The following MMP26 variants were observed in gnomAD, a reference collection of about 807,000 sequenced individuals.
The protein encoded by MMP26 is matrix metallopeptidase 26, also known as matrix metalloproteinase-26.
A neutral mutation model predicts 31.0 loss-of-function variants in MMP26; 33 were observed. The ratio of observed to expected loss-of-function variants is 1.06; its 90% confidence interval spans 0.81 to 1.42. MMP26 has a LOEUF of 1.42. MMP26 is among the 40% of genes most tolerant of loss of function. MMP26 has a pLI of 0.00. For missense variants in MMP26, 347 were observed against 316.1 expected, an observed-to-expected ratio of 1.10 and a Z score of -0.74; for synonymous variants, 122 against 114.9, an observed-to-expected ratio of 1.06 and a Z score of -0.40.
Position 4,714,208 on chromosome 11 carries a change from A to G in MMP26, c.-217+9163A>G, listed in dbSNP as rs566701448. On this transcript the variant is annotated intron_variant, in intron 1 of 7. Coordinates refer to ENST00000380390, the MANE Select transcript of MMP26 (RefSeq NM_021801.5). ...TTCTTTTAAGAATGAGGGGGACTTTATTAGCTGCAGAAAGCTCTTGTGGGT... is the reference window on the plus strand; with the variant it reads ...TTCTTTTAAGAATGAGGGGGACTTTGTTAGCTGCAGAAAGCTCTTGTGGGT... 1.3e-3 allele frequency among the ~76,000 whole-genome samples: 195 copies of G among 152,284 alleles called. 1 individual carries two copies. Among genetic ancestry groups the G allele is most frequent in the Non-Finnish European group, 1.6e-3 (107 of 68,008 alleles).
chr11:4,882,339 G>A (rs141084019), intron 2 of MMP26: 21 of 1,613,498 alleles, frequency 1.3e-5, no homozygotes, highest in South Asian at 2.2e-5. Flanking sequence ...CTGGTGATAG[G>A]GCTGGTCATC....
chr11:4,886,351 C>T (rs968962650), intron 2 of MMP26, among the ~76,000 whole-genome samples: 3 of 151,998 alleles, frequency 2.0e-5, no homozygotes, highest in Admixed American at 1.3e-4. Context: ...AGTCATTAAA[C>T]TTCGTAAGTC....
intron 2 of MMP26, chr11:4,908,944 C>A (rs747751604): frequency 6.5e-6 from 1 of 154,488 alleles, no homozygotes; most frequent in East Asian, 1.9e-4. Flanking sequence ...GCACAATAAT[C>A]CTGCTGTGAA....
chr11:4,923,631 G>T (rs772022314), intron 2 of MMP26: 2 of 1,614,078 alleles, frequency 1.2e-6, no homozygotes, highest in Non-Finnish European at 1.7e-6. Context: ...AGGGCTCGGA[G>T]TCGCTCCTGG....
chr11:4,820,556 C>T (rs1849481096), intron 2 of MMP26, among the ~76,000 whole-genome samples: 1 of 151,708 alleles, frequency 6.6e-6, no homozygotes, highest in African/African-American at 2.4e-5. Context: ...ATTCCTCCTC[C>T]TCCTCTTGCA....
chr11:4,904,425 CA>C (rs1850851987), intron 2 of MMP26, among the ~76,000 whole-genome samples: 1 of 152,140 alleles, frequency 6.6e-6, no homozygotes, highest in Admixed American at 6.5e-5. Context: ...CTTCTTTTGG[CA>C]TCTACTATAT....
rs576958842 is a variant in MMP26 at position 4,979,206 on chromosome 11, G to A, written c.-144-8862G>A. Among the ~76,000 whole-genome samples the A allele has an allele frequency of 4.6e-5, 7 of 152,232 alleles. 1 individual carries two copies. The highest frequency in any genetic ancestry group is 1.7e-4 in the African/African-American group (7 of 41,568). Reference sequence around the variant, plus strand: ...GCATCCACACAGGAAATCAAAGATGGATAACCATGAAGCTGAGAGCAGTTG... The same window carrying A: ...GCATCCACACAGGAAATCAAAGATGAATAACCATGAAGCTGAGAGCAGTTG... On this transcript the variant is annotated intron_variant, in intron 2 of 7. Coordinates refer to ENST00000380390, the MANE Select transcript of MMP26 (RefSeq NM_021801.5).
chr11:4,758,038 A>T (rs1464663335), intron 1 of MMP26, among the ~76,000 whole-genome samples: 1 of 152,188 alleles, frequency 6.6e-6, no homozygotes, highest in Non-Finnish European at 1.5e-5. Context: ...ATATGTACAC[A>T]CAATACATGT....
At chr11:4,788,143 A>T (rs1848973739) in intron 2 of MMP26, among the ~76,000 whole-genome samples, 1 of 152,164 alleles carries the variant, frequency 6.6e-6, no homozygotes, top group Non-Finnish European at 1.5e-5. Flanking sequence ...CACACAGCAC[A>T]TTGGAAAATT....
At chr11:4,891,503 T>C (rs1850622796) in intron 2 of MMP26, among the ~76,000 whole-genome samples, 1 of 152,156 alleles carries the variant, frequency 6.6e-6, no homozygotes, top group South Asian at 2.1e-4. Context: ...TATTTAAACA[T>C]GAGATTTGGT....
chr11:4,978,774 A>C (rs1846773513), intron 2 of MMP26, among the ~76,000 whole-genome samples: 1 of 152,272 alleles, frequency 6.6e-6, no homozygotes. Flanking sequence ...TTCAGAAAGA[A>C]CAAAAGGATT....
chr11:4,975,797 G>A (rs1359973773), intron 2 of MMP26, among the ~76,000 whole-genome samples: 1 of 151,902 alleles, frequency 6.6e-6, no homozygotes, highest in Non-Finnish European at 1.5e-5. Flanking sequence ...GTTCTCTAGC[G>A]AACATTCTCC....
At chr11:4,842,004 C>T (rs35692639) in intron 2 of MMP26, among the ~76,000 whole-genome samples, 2 of 152,028 alleles carry the variant, frequency 1.3e-5, no homozygotes, top group African/African-American at 4.8e-5. Context: ...GGTAGTAATA[C>T]AAAAGTCATT....
At chr11:4,713,646 T>G (rs1847889940) in intron 1 of MMP26, among the ~76,000 whole-genome samples, 1 of 152,218 alleles carries the variant, frequency 6.6e-6, no homozygotes, top group African/African-American at 2.4e-5. Context: ...AAATGTTCCA[T>G]GAAAGAATAA....
chr11:4,871,746 T>G (rs1313765795), intron 2 of MMP26: 4 of 151,980 alleles, frequency 2.6e-5, no homozygotes, highest in African/African-American at 7.3e-5. Context: ...TTTGGGTGAG[T>G]TGGGGAAAAA....
intron 2 of MMP26, chr11:4,908,491 T>G: frequency 1.6e-6 from 1 of 625,588 alleles, no homozygotes; most frequent in South Asian, 1.9e-5. Flanking sequence ...AGTCAAGAGA[T>G]ATATAAGATA....
At chr11:4,789,248 T>G (rs1848988534) in intron 2 of MMP26, among the ~76,000 whole-genome samples, 1 of 152,178 alleles carries the variant, frequency 6.6e-6, no homozygotes, top group Non-Finnish European at 1.5e-5. Context: ...CAAGATGAAT[T>G]TCAGATTGAT....
chr11:4,787,441 A>G (rs1357067082), intron 2 of MMP26: 4 of 152,252 alleles, frequency 2.6e-5, no homozygotes, highest in Non-Finnish European at 4.4e-5. Context: ...TGTACTAAAC[A>G]TCATCTCTTC....
At chr11:4,814,561 G>A (rs1849395658) in intron 2 of MMP26, among the ~76,000 whole-genome samples, 1 of 152,092 alleles carries the variant, frequency 6.6e-6, no homozygotes, top group Non-Finnish European at 1.5e-5. Context: ...AGTAAAAATC[G>A]TTTCGGTCTA....
Sources: gnomAD v4.1 joint callset for allele counts (sites outside exome capture counted in the v4.1 genomes callset) on GRCh38, gnomAD v4.1.1 for gene constraint, MANE v1.5 for transcripts, NCBI Gene and HGNC (gene_info 2026-07-23, HGNC 2026-07-21) for gene names.